TMEM117: variants seen among roughly 807,000 people sequenced by gnomAD.
TMEM117 encodes transmembrane protein 117.
TMEM117 carries 27 observed loss-of-function variants against 52.4 expected under a neutral mutation model. That is an observed-to-expected ratio of 0.51 (90% CI 0.38 to 0.71). TMEM117 has a LOEUF of 0.71. TMEM117 is among the 30% of genes least tolerant of loss of function. The pLI is 0.00. For missense variants in TMEM117, 556 were observed against 630.5 expected (o/e 0.88, Z 1.26); for synonymous variants, 215 against 206.3 (o/e 1.04, Z -0.36).
At chr12:43,883,234 G>A (rs1943929413) in intron 2 of TMEM117, among the ~76,000 whole-genome samples, 1 of 152,188 alleles carries the variant, frequency 6.6e-6, no homozygotes, top group African/African-American at 2.4e-5. Context: ...TTCTCAAGAA[G>A]TGATTTTAGT....
Position 44,282,796 on chromosome 12 carries a change from G to A in TMEM117, c.609-16784G>A, listed in dbSNP as rs117734534. Among the ~76,000 whole-genome samples the A allele has an allele frequency of 1.9e-3, 289 of 152,340 alleles. 9 individuals carry two copies. In the East Asian group the frequency reaches 0.052, roughly 28 times the overall value. On this transcript the variant is annotated intron_variant, in intron 5 of 7. Coordinates refer to ENST00000266534, the MANE Select transcript of TMEM117 (RefSeq NM_032256.3). ...GCCTAATGTGAATCCCCAAGACCAC[G>A]TGTAAAATATCTCCAGGCTGTGTCA...
At chr12:44,013,968 C>T (rs1353032938) in intron 3 of TMEM117, among the ~76,000 whole-genome samples, 1 of 152,112 alleles carries the variant, frequency 6.6e-6, no homozygotes, top group Non-Finnish European at 1.5e-5. Flanking sequence ...GGAGTGGATA[C>T]TGGAAGTTGA....
chr12:43,860,691 A>T (rs2447115), intron 2 of TMEM117, among the ~76,000 whole-genome samples: 2 of 152,010 alleles, frequency 1.3e-5, no homozygotes, highest in African/African-American at 2.4e-5. Flanking sequence ...GCTGGAGCAG[A>T]GGGAACAGAA....
intron 2 of TMEM117, among the ~76,000 whole-genome samples, chr12:43,933,579 T>C (rs1944906120): frequency 6.6e-6 from 1 of 152,104 alleles, no homozygotes; most frequent in Admixed American, 6.6e-5. Context: ...TTCCTTTTTT[T>C]ATTGAGATGG....
chr12:43,826,708 C>T, the TMEM117 span, among the ~76,000 whole-genome samples: 1 of 152,170 alleles, frequency 6.6e-6, no homozygotes, highest in African/African-American at 2.4e-5. Context: ...AGGCCTACAA[C>T]TAAAAAGTGA....
At chr12:44,058,074 C>T (rs1039235718) in intron 3 of TMEM117, among the ~76,000 whole-genome samples, 5 of 152,004 alleles carry the variant, frequency 3.3e-5, no homozygotes, top group African/African-American at 9.7e-5. Flanking sequence ...TTGAGAGCAG[C>T]TGTGCTTCAT....
At chr12:44,284,438 A>G (rs188771532) in intron 5 of TMEM117, among the ~76,000 whole-genome samples, 17 of 152,374 alleles carry the variant, frequency 1.1e-4, no homozygotes, top group African/African-American at 3.8e-4. Flanking sequence ...CTTTAGTAGC[A>G]GTGTGAAAAC....
rs910517292 is a variant in TMEM117 at position 44,171,117 on chromosome 12, G to A, written c.510+27493G>A. On this transcript the variant is annotated intron_variant, in intron 4 of 7. Coordinates refer to ENST00000266534, the MANE Select transcript of TMEM117 (RefSeq NM_032256.3). ...TGCAAGCTCCACCTCCCGGGTTCACGCCATTCTCCTGCCTCAGCCTCCCAA... is the reference window on the plus strand; with the variant it reads ...TGCAAGCTCCACCTCCCGGGTTCACACCATTCTCCTGCCTCAGCCTCCCAA... 2.7e-3 allele frequency among the ~76,000 whole-genome samples: 405 copies of A among 149,002 alleles called. 1 individual carries two copies. Among genetic ancestry groups the A allele is most frequent in the African/African-American group, 9.3e-3 (378 of 40,504 alleles).
At chr12:44,154,289 C>A (rs1259029680) in intron 4 of TMEM117, among the ~76,000 whole-genome samples, 1 of 152,040 alleles carries the variant, frequency 6.6e-6, no homozygotes, top group African/African-American at 2.4e-5. Context: ...TCAACAGTTT[C>A]TTAAATGCTA....
At chr12:43,897,752 G>A (rs959629694) in intron 2 of TMEM117, among the ~76,000 whole-genome samples, 4 of 148,066 alleles carry the variant, frequency 2.7e-5, no homozygotes, top group Admixed American at 6.9e-5. Flanking sequence ...GACCACAGGC[G>A]CGTGCCACCA....
rs565238571 is a variant in TMEM117 at position 43,993,142 on chromosome 12, A to G, written c.410+48800A>G. On this transcript the variant is annotated intron_variant, in intron 3 of 7. Coordinates refer to ENST00000266534, the MANE Select transcript of TMEM117 (RefSeq NM_032256.3). ...AAGTCTTTTGCTTGGTCTTTCTGGA[A>G]TAAAGACATTCAAGTAAACCTCTAG... Among the ~76,000 whole-genome samples the G allele has an allele frequency of 5.9e-5, 9 of 152,332 alleles. No individual in the cohort carries two copies. In the South Asian group the frequency reaches 1.0e-3, roughly 18 times the overall value.
chr12:44,000,189 C>T (rs777787440), intron 3 of TMEM117, among the ~76,000 whole-genome samples: 2 of 152,046 alleles, frequency 1.3e-5, no homozygotes, highest in African/African-American at 2.4e-5. Context: ...GCAATGTACC[C>T]GGGTAAGTTC....
chr12:44,229,503 G>A (rs1289505987), intron 5 of TMEM117, among the ~76,000 whole-genome samples: 1 of 152,108 alleles, frequency 6.6e-6, no homozygotes, highest in Admixed American at 6.6e-5. Context: ...CCAGGTAAAT[G>A]TACCATGCTA....
chr12:44,172,876 C>T (rs967094734), intron 4 of TMEM117, among the ~76,000 whole-genome samples: 1 of 152,144 alleles, frequency 6.6e-6, no homozygotes, highest in Non-Finnish European at 1.5e-5. Flanking sequence ...AGGTGCATGC[C>T]ACCACGCCCG....
At chr12:44,177,266 G>C (rs1194633854) in intron 4 of TMEM117, among the ~76,000 whole-genome samples, 1 of 152,042 alleles carries the variant, frequency 6.6e-6, no homozygotes, top group East Asian at 1.9e-4. Context: ...AAAATTGTAT[G>C]TGCTGGGCAA....
chr12:44,282,115 CT>C (rs1470745318), intron 5 of TMEM117, among the ~76,000 whole-genome samples: 1 of 152,104 alleles, frequency 6.6e-6, no homozygotes, highest in African/African-American at 2.4e-5. Context: ...TCATTTTTCT[CT>C]TGTTGCCACC....
At chr12:44,052,517 C>G (rs1946989950) in intron 3 of TMEM117, among the ~76,000 whole-genome samples, 1 of 152,078 alleles carries the variant, frequency 6.6e-6, no homozygotes. Context: ...TGGAGACCTT[C>G]TGTAGTGTTG....
intron 4 of TMEM117, among the ~76,000 whole-genome samples, chr12:44,180,677 A>G (rs2138311654): frequency 6.6e-6 from 1 of 152,176 alleles, no homozygotes; most frequent in South Asian, 2.1e-4. Flanking sequence ...TACAAAGGAC[A>G]TGAACTCATC....
In TMEM117 at chr12:43,844,781, GTTA is replaced by G. The variant is rs752150200; in HGVS notation, c.133_135del (p.Ile45del). ...TTCTCATAGCCAAACAGAAGCCAAT[GTTA>G]TTGTTGTTGGAAACTGTTTTTCATT... is the stretch of plus-strand genomic sequence containing the variant. On this transcript the variant is annotated inframe_deletion, in exon 2 of 8. Transcript: ENST00000266534. 26 of 1,614,056 alleles carry G rather than the reference GTTA, an allele frequency of 1.6e-5. No individual in the cohort carries two copies. Among genetic ancestry groups the G allele is most frequent in the African/African-American group, 6.7e-5 (5 of 74,928 alleles).
Sources: gnomAD v4.1 joint callset for allele counts (sites outside exome capture counted in the v4.1 genomes callset) on GRCh38, gnomAD v4.1.1 for gene constraint, MANE v1.5 for transcripts, NCBI Gene and HGNC (gene_info 2026-07-23, HGNC 2026-07-21) for gene names.